EXOC2: variants seen among roughly 807,000 people sequenced by gnomAD.
The protein encoded by EXOC2 is exocyst complex component 2.
EXOC2 carries 70 observed loss-of-function variants against 131.8 expected under a neutral mutation model. The observed-to-expected ratio is 0.53, with a 90% CI of 0.44 to 0.65. EXOC2 has a LOEUF of 0.65. Among genes scored for constraint, EXOC2 ranks in the 30% least tolerant of loss-of-function variants. EXOC2 has a pLI of 0.00. For missense variants in EXOC2, 923 were observed against 1,108.6 expected (o/e 0.83, Z 2.38); for synonymous variants, 411 against 398.4 (o/e 1.03, Z -0.38).
At position 486,760 on chromosome 6, in the gene EXOC2, G is replaced by C. The variant is rs1763080854; in HGVS notation, c.2686C>G (p.Leu896Val). Residue 896 changes from leucine (L) to valine (V), a missense_variant, in exon 28 of 28, where the codon CTG becomes GTG. Transcript: ENST00000230449. The stretch of plus-strand genomic sequence containing the variant: ...TTGAACTTGTTCAGGAGCTCTTCCA[G>C]TAACCTGCAGGACGGAGACACTTGT... ...QLSSGADKKLLEELLNKFKSS... is the reference protein window; with the variant it reads ...QLSSGADKKLVEELLNKFKSS... The C allele has an allele frequency of 4.3e-6, 7 of 1,613,704 alleles. No individual in the cohort carries two copies. Among genetic ancestry groups the C allele is most frequent in the Non-Finnish European group, 5.1e-6 (6 of 1,179,808 alleles).
chr6:541,500 C>T (rs557400104), intron 22 of EXOC2, among the ~76,000 whole-genome samples: 23 of 151,916 alleles, frequency 1.5e-4, no homozygotes, highest in African/African-American at 5.6e-4. Flanking sequence ...AAGACTCTGG[C>T]AAGAAACAAA....
At chr6:617,623 C>T in intron 6 of EXOC2, 88 bp downstream of exon 6, 4 of 1,454,992 alleles carry the variant, frequency 2.7e-6, no homozygotes, top group Non-Finnish European at 2.7e-6. Flanking sequence ...AAAAACAGAC[C>T]GAGTGTCACA....
intron 1 of EXOC2, among the ~76,000 whole-genome samples, chr6:660,279 C>G (rs1318404889): frequency 6.6e-6 from 1 of 151,924 alleles, no homozygotes; most frequent in Non-Finnish European, 1.5e-5. Context: ...CAGTCCCTCT[C>G]CACACTACTA....
Position 486,628 on chromosome 6 carries a change from T to C in EXOC2, c.*43A>G. 1 of 1,508,640 alleles carries C rather than the reference T, an allele frequency of 6.6e-7. No individual in the cohort carries two copies. The highest frequency in any genetic ancestry group is 1.1e-5 in the South Asian group (1 of 88,890). 93.5% of individuals were successfully genotyped at this position (1,508,640 alleles called of 1,614,324 possible). A position where few individuals can be genotyped will look rare whatever the true frequency, so the allele number is the denominator to read the frequency against. ...AGGGTACTTAGAGAGTGAACAGTCT[T>C]ATTACGTGTTATTTTCCTGGACTTC... On this transcript the variant is annotated 3_prime_UTR_variant, in exon 28 of 28. Coordinates refer to ENST00000230449, the MANE Select transcript of EXOC2 (RefSeq NM_018303.6).
intron 1 of EXOC2, among the ~76,000 whole-genome samples, chr6:678,615 A>G (rs1764259921): frequency 6.6e-6 from 1 of 152,254 alleles, no homozygotes; most frequent in Non-Finnish European, 1.5e-5. Context: ...AACTTAAGAA[A>G]GATGAAAGCA....
At chr6:487,442 T>C (rs1179473108) in intron 27 of EXOC2, among the ~76,000 whole-genome samples, 1 of 152,204 alleles carries the variant, frequency 6.6e-6, no homozygotes, top group Admixed American at 6.5e-5. Flanking sequence ...AGTTTTGCTC[T>C]GTCGCCCAGG....
intron 23 of EXOC2, among the ~76,000 whole-genome samples, chr6:504,942 C>T (rs540003535): frequency 6.6e-6 from 1 of 152,156 alleles, no homozygotes; most frequent in Non-Finnish European, 1.5e-5. Flanking sequence ...AAATTAAAGA[C>T]ATAACAGTTG....
At chr6:610,968 G>A (rs965446823) in intron 6 of EXOC2, among the ~76,000 whole-genome samples, 1 of 152,200 alleles carries the variant, frequency 6.6e-6, no homozygotes, top group African/African-American at 2.4e-5. Flanking sequence ...CTTGGAGTGA[G>A]GAGAAAGTAA....
At chr6:492,604 GATGA>G (rs1160088837) in intron 25 of EXOC2, among the ~76,000 whole-genome samples, 20 of 152,190 alleles carry the variant, frequency 1.3e-4, no homozygotes, top group African/African-American at 4.6e-4. Context: ...TCACAACATG[GATGA>G]ACCCTGAAAC....
chr6:586,180 CAAGT>C (rs1561890943), intron 11 of EXOC2, among the ~76,000 whole-genome samples: 1 of 152,170 alleles, frequency 6.6e-6, no homozygotes, highest in Non-Finnish European at 1.5e-5. Context: ...GCCAAGCAAA[CAAGT>C]AAGTACTCTG....
intron 1 of EXOC2, among the ~76,000 whole-genome samples, chr6:649,100 T>C (rs1478446057): frequency 1.3e-5 from 2 of 152,044 alleles, no homozygotes; most frequent in Non-Finnish European, 2.9e-5. Context: ...TCAGGGTGCA[T>C]TACTGCCTCC....
At chr6:619,108 T>G (rs942494089) in intron 5 of EXOC2, among the ~76,000 whole-genome samples, 2 of 152,132 alleles carry the variant, frequency 1.3e-5, no homozygotes, top group African/African-American at 4.8e-5. Flanking sequence ...GTTATTTGAG[T>G]AGGGAGAGAT....
intron 22 of EXOC2, among the ~76,000 whole-genome samples, chr6:532,969 G>T (rs1418875019): frequency 1.3e-5 from 2 of 152,074 alleles, no homozygotes; most frequent in Admixed American, 6.6e-5. Context: ...AAGGCAAAGG[G>T]GAAGCAAGGC....
At chr6:517,162 GAAATA>G (rs1765205915) in intron 23 of EXOC2, among the ~76,000 whole-genome samples, 1 of 152,106 alleles carries the variant, frequency 6.6e-6, no homozygotes, top group Non-Finnish European at 1.5e-5. Context: ...AGTGTGGAAA[GAAATA>G]AAAGAGAAGA....
At chr6:546,677 G>A (rs186379242) in intron 22 of EXOC2, among the ~76,000 whole-genome samples, 2 of 152,278 alleles carry the variant, frequency 1.3e-5, no homozygotes, top group East Asian at 1.9e-4. Flanking sequence ...TCCACTTTAT[G>A]AATAGTGTTA....
intron 17 of EXOC2, among the ~76,000 whole-genome samples, chr6:562,441 G>C (rs909823380): frequency 6.6e-6 from 1 of 152,204 alleles, no homozygotes; most frequent in African/African-American, 2.4e-5. Flanking sequence ...TTTGGCTTTG[G>C]AGCCAGCAAC....
Position 553,856 on chromosome 6 carries a change from A to G in EXOC2, c.2119T>C (p.Ser707Pro), listed in dbSNP as rs1757277076. 2.5e-6 allele frequency: 4 copies of G among 1,613,070 alleles called. No individual in the cohort carries two copies. Among genetic ancestry groups the G allele is most frequent in the Non-Finnish European group, 3.4e-6 (4 of 1,179,030 alleles). Residue 707 changes from serine (S) to proline (P), a missense_variant and splice_region_variant, in exon 21 of 28, where the codon TCA (serine) becomes CCA (proline). Ser to Pro is a moderately conservative substitution (Grantham distance 74). Coordinates refer to ENST00000230449, the MANE Select transcript of EXOC2 (RefSeq NM_018303.6). ...GSIHEDFSLT[S>P]EQRLLIVLSN... ...TTTCTAGTTATCGTCTGACTTACTG[A>G]GGTCAAGCTGAAGTCTTCATGGATA...
rs147750676 is a variant in EXOC2, at chr6:651,795, C to T, written c.-43-13934G>A. Among the ~76,000 whole-genome samples the T allele has an allele frequency of 1.7e-3, 256 of 150,536 alleles. 8 individuals are homozygous for T. The East Asian group carries it at 0.041, about 24-fold the overall frequency. ...TTCACAGGCCGGGCACAGTGGCTCA[C>T]GCCTGTAACCCCAGCACTTTGGGAG... On this transcript the variant is annotated intron_variant, in intron 1 of 27. Coordinates refer to ENST00000230449, the MANE Select transcript of EXOC2 (RefSeq NM_018303.6).
chr6:625,484 C>T (rs370858132), intron 4 of EXOC2, among the ~76,000 whole-genome samples: 8 of 144,396 alleles, frequency 5.5e-5, no homozygotes, highest in East Asian at 4.1e-4. Flanking sequence ...TGTTTACACT[C>T]TGTTGTATTA....
Sources: allele counts gnomAD v4.1 joint callset (sites outside exome capture counted in the v4.1 genomes callset), GRCh38; gene constraint gnomAD v4.1.1; transcripts MANE v1.5; gene names NCBI Gene and HGNC (gene_info 2026-07-23, HGNC 2026-07-21).